Variants in POP1 observed in about 807,000 individuals in gnomAD.
POP1 encodes POP1 ribonuclease P/MRP subunit, also known as ribonucleases P/MRP protein subunit POP1.
In POP1, 75 loss-of-function variants were observed where a neutral mutation model predicts 102.2. The observed-to-expected ratio is 0.73, with a 90% CI of 0.61 to 0.89. The LOEUF is 0.89. POP1 is among the 40% of genes least tolerant of loss of function. The pLI, the probability that POP1 is intolerant of heterozygous loss-of-function variation, is 0.00. For missense variants in POP1, 1,116 were observed against 1,267.4 expected (o/e 0.88, Z 1.81); for synonymous variants, 436 against 464.1 (o/e 0.94, Z 0.78).
At chr8:98,139,041 C>T (rs181079637) in intron 9 of POP1, among the ~76,000 whole-genome samples, 150 of 151,866 alleles carry the variant, frequency 9.9e-4, no homozygotes, top group African/African-American at 3.4e-3. Context: ...TTTTTAGTAG[C>T]GGTTTCACTA....
chr8:98,149,053 C>A (rs1563783145), intron 13 of POP1, 47 bp downstream of exon 13: 2 of 1,507,434 alleles, frequency 1.3e-6, no homozygotes, highest in Non-Finnish European at 1.8e-6. Context: ...AAAATACATT[C>A]CTAATAAATG....
chr8:98,144,264 A>G (rs1412765045), intron 11 of POP1, among the ~76,000 whole-genome samples: 6 of 151,844 alleles, frequency 4.0e-5, no homozygotes, highest in Non-Finnish European at 8.8e-5. Context: ...TGTTTTATCT[A>G]TTATTATTAA....
chr8:98,150,351 T>C, intron 13 of POP1, 134 bp from the exon 14 acceptor site: 1 of 908,406 alleles, frequency 1.1e-6, no homozygotes, highest in African/African-American at 1.6e-5. Flanking sequence ...TATTGCATGG[T>C]AATCCATTGT....
chr8:98,137,422 C>G lies in POP1; in HGVS notation c.1362+468C>G, dbSNP rs958103271. 5.9e-5 allele frequency among the ~76,000 whole-genome samples: 9 copies of G among 152,192 alleles called. No individual in the cohort carries two copies. In the South Asian group the frequency reaches 1.7e-3, roughly 28 times the overall value. On this transcript the variant is annotated intron_variant, in intron 9 of 15. Coordinates refer to ENST00000401707, the MANE Select transcript of POP1 (RefSeq NM_001145860.2). ...GGTTCAAGCGATTCTCCTGCCTCAG[C>G]CCCCCGAGTAGCTGAGACTATAGGT...
intron 14 of POP1, among the ~76,000 whole-genome samples, chr8:98,153,218 TC>T (rs1809562142): frequency 6.6e-6 from 1 of 152,096 alleles, no homozygotes. Flanking sequence ...AGTCCTCCCA[TC>T]CCAGCCTCCC....
chr8:98,145,176 G>A (rs146653635), intron 11 of POP1, among the ~76,000 whole-genome samples: 6 of 152,136 alleles, frequency 3.9e-5, no homozygotes, highest in African/African-American at 7.2e-5. Context: ...GACATGAGCC[G>A]TTGCACCTGG....
intron 2 of POP1, among the ~76,000 whole-genome samples, chr8:98,124,116 C>T (rs1816121417): frequency 6.6e-6 from 1 of 152,140 alleles, no homozygotes; most frequent in Non-Finnish European, 1.5e-5. Flanking sequence ...AAGGGCAGGG[C>T]AGTACAGTGC....
intron 15 of POP1, 85 bp downstream of exon 15, chr8:98,156,497 T>G: frequency 1.0e-5 from 16 of 1,541,428 alleles, no homozygotes; most frequent in East Asian, 4.5e-5. Context: ...TATCACTGTT[T>G]GTTTATGCAA....
Position 98,130,044 on chromosome 8 carries a change from C to T in POP1, c.553C>T (p.His185Tyr), listed in dbSNP as rs367827296. ...TAAATGCCATAAAGCTCGAAGATGT[C>T]ACATGAACCGGACGCTAGAATTTAA... ...KNKCHKARRC[H>Y]MNRTLEFNRR... is the part of the protein sequence containing the mutation. Residue 185 changes from histidine (H) to tyrosine (Y), a missense_variant, in exon 5 of 16, where the codon CAC (histidine) becomes TAC (tyrosine). His to Tyr is a moderately conservative substitution (Grantham distance 83). Transcript: ENST00000401707. 2 of 1,613,944 alleles carry T rather than the reference C, an allele frequency of 1.2e-6. No homozygotes were observed. Among genetic ancestry groups the T allele is most frequent in the African/African-American group, 2.7e-5 (2 of 74,930 alleles).
chr8:98,124,835 C>T (rs1422695282), intron 2 of POP1, among the ~76,000 whole-genome samples: 1 of 152,108 alleles, frequency 6.6e-6, no homozygotes, highest in East Asian at 1.9e-4. Context: ...GATTTTAGAA[C>T]CTTATGAAGT....
intron 1 of POP1, 78 bp downstream of exon 1, chr8:98,117,468 C>T (rs1815874532): frequency 3.8e-6 from 1 of 264,160 alleles, no homozygotes; most frequent in Admixed American, 5.1e-5. Context: ...TCCCGGCGCC[C>T]GTCTCCCCTC....
chr8:98,127,865 C>A, intron 3 of POP1, 103 bp downstream of exon 3: 1 of 1,205,796 alleles, frequency 8.3e-7, no homozygotes, highest in Non-Finnish European at 1.2e-6. Flanking sequence ...CCTCCCCTAC[C>A]TCTCCTCTCC....
chr8:98,147,236 G>A (rs1262993984), intron 12 of POP1, among the ~76,000 whole-genome samples: 1 of 152,170 alleles, frequency 6.6e-6, no homozygotes, highest in African/African-American at 2.4e-5. Flanking sequence ...AGAAAAATGA[G>A]GCCAGCCTCC....
At chr8:98,131,244 G>T (rs548741844) in intron 5 of POP1, among the ~76,000 whole-genome samples, 2 of 152,142 alleles carry the variant, frequency 1.3e-5, no homozygotes, top group African/African-American at 4.8e-5. Context: ...TGAAACTCTC[G>T]ACTCATTAAA....
chr8:98,155,906 C>CTT (rs1213435715), intron 14 of POP1, 144 bp from the exon 15 acceptor site: 25 of 656,126 alleles, frequency 3.8e-5, no homozygotes, highest in Admixed American at 8.9e-5. Flanking sequence ...TCTTGGAAAG[C>CTT]TTTTGTGTGT....
At chr8:98,128,275 G>A in intron 3 of POP1, 90 bp from the exon 4 acceptor site, 1 of 1,259,334 alleles carries the variant, frequency 7.9e-7, no homozygotes, top group Non-Finnish European at 1.1e-6. Flanking sequence ...TCTTGGTGGA[G>A]GAATTCAGTT....
chr8:98,157,604 C>T lies in POP1; in HGVS notation c.2421-13C>T, dbSNP rs767166505. On this transcript the variant is annotated splice_polypyrimidine_tract_variant and intron_variant, in intron 15 of 15. Coordinates refer to ENST00000401707, the MANE Select transcript of POP1 (RefSeq NM_001145860.2). Reference sequence around the variant, plus strand: ...CAAAATATCCTCAAACGTATGTCTCCAACTTCATGTAGGAGTAGAAAATTA... The same window carrying T: ...CAAAATATCCTCAAACGTATGTCTCTAACTTCATGTAGGAGTAGAAAATTA... 17 of 1,613,816 alleles carry T rather than the reference C, an allele frequency of 1.1e-5. No individual in the cohort carries two copies. The South Asian group carries it at 1.9e-4, about 18-fold the overall frequency.
chr8:98,137,726 T>A (rs977303942), intron 9 of POP1, among the ~76,000 whole-genome samples: 9 of 152,244 alleles, frequency 5.9e-5, no homozygotes, highest in Non-Finnish European at 8.8e-5. Flanking sequence ...ATTAGCCACA[T>A]GTGGCAGTTG....
In POP1 at chr8:98,134,452, T is replaced by C. The variant is rs374474901; in HGVS notation, c.824-20T>C. 1.2e-6 allele frequency: 2 copies of C among 1,613,284 alleles called. No homozygotes were observed. Among genetic ancestry groups the C allele is most frequent in the African/African-American group, 2.7e-5 (2 of 74,886 alleles). On this transcript the variant is annotated intron_variant, in intron 6 of 15. Transcript: ENST00000401707. ...GTCTCAACACCCGGAATTATGGAATTTTGCTTTTGTTGATGTCAGGGCTGA... is the reference window on the plus strand; with the variant it reads ...GTCTCAACACCCGGAATTATGGAATCTTGCTTTTGTTGATGTCAGGGCTGA...
Sources: gnomAD v4.1 joint callset for allele counts (sites outside exome capture counted in the v4.1 genomes callset) on GRCh38, gnomAD v4.1.1 for gene constraint, MANE v1.5 for transcripts, NCBI Gene and HGNC (gene_info 2026-07-23, HGNC 2026-07-21) for gene names.